Variants in VDAC1 observed in about 807,000 individuals in gnomAD.
The protein encoded by VDAC1 is voltage dependent anion channel 1.
A neutral mutation model predicts 34.7 loss-of-function variants in VDAC1; 10 were observed. The observed-to-expected ratio is 0.29, with a 90% CI of 0.18 to 0.49. VDAC1 has a LOEUF of 0.49. Among genes scored for constraint, VDAC1 ranks in the 20% least tolerant of loss-of-function variants. The pLI is 0.99. For synonymous variants in VDAC1, 130 were observed against 136.0 expected (o/e 0.96, Z 0.30); for missense variants, 230 against 347.9 (o/e 0.66, Z 2.69).
intron 1 of VDAC1, among the ~76,000 whole-genome samples, chr5:134,001,582 G>A (rs1753555457): frequency 6.6e-6 from 1 of 152,022 alleles, no homozygotes; most frequent in Non-Finnish European, 1.5e-5. Flanking sequence ...GCCAGGCATG[G>A]TGGCAGGCGC....
chr5:134,014,229 G>T, the VDAC1 span, among the ~76,000 whole-genome samples: 5 of 152,046 alleles, frequency 3.3e-5, no homozygotes, highest in East Asian at 9.7e-4. Context: ...GGTGGAGGTT[G>T]CAGTGAGTCG....
chr5:133,981,099 G>T, intron 5 of VDAC1, 143 bp from the exon 6 acceptor site: 1 of 658,824 alleles, frequency 1.5e-6, no homozygotes, highest in Non-Finnish European at 2.6e-6. Context: ...TTAAGCCACT[G>T]CTGTACCACA....
the VDAC1 span, among the ~76,000 whole-genome samples, chr5:134,018,248 G>A: frequency 6.6e-6 from 1 of 152,196 alleles, no homozygotes; most frequent in Non-Finnish European, 1.5e-5. Context: ...AAGAGCAGGA[G>A]CAAGGGAGAG....
chr5:134,099,916 G>A, the VDAC1 span, among the ~76,000 whole-genome samples: 42 of 152,198 alleles, frequency 2.8e-4, no homozygotes, highest in African/African-American at 9.9e-4. Flanking sequence ...AGAACCTATC[G>A]TCCAGGCCCA....
At chr5:134,109,053 G>A in the VDAC1 span, among the ~76,000 whole-genome samples, 1 of 152,178 alleles carries the variant, frequency 6.6e-6, no homozygotes, top group Non-Finnish European at 1.5e-5. Context: ...TCTTCCACAA[G>A]ATGGTGAGTT....
the VDAC1 span, among the ~76,000 whole-genome samples, chr5:134,041,518 GC>G: frequency 2.0e-5 from 3 of 152,230 alleles, no homozygotes; most frequent in Admixed American, 2.0e-4. Flanking sequence ...AGGACCAGCT[GC>G]TCAGGGAGCC....
chr5:134,018,218 G>C, the VDAC1 span, among the ~76,000 whole-genome samples: 2 of 152,198 alleles, frequency 1.3e-5, no homozygotes, highest in Non-Finnish European at 2.9e-5. Flanking sequence ...GGCCAACAAG[G>C]AGCAGGTACA....
At chr5:133,994,842 G>A (rs1753236129) in intron 1 of VDAC1, among the ~76,000 whole-genome samples, 1 of 152,064 alleles carries the variant, frequency 6.6e-6, no homozygotes, top group African/African-American at 2.4e-5. Context: ...CCGGGGTGGG[G>A]GCTGGGGAAG....
At chr5:134,092,065 T>C in the VDAC1 span, among the ~76,000 whole-genome samples, 3 of 152,180 alleles carry the variant, frequency 2.0e-5, no homozygotes, top group African/African-American at 7.2e-5. Flanking sequence ...TTGAACTAAG[T>C]CCTGGTGTTT....
upstream of VDAC1, among the ~76,000 whole-genome samples, chr5:134,006,006 C>T (rs1462536521): frequency 6.6e-6 from 1 of 151,978 alleles, no homozygotes; most frequent in East Asian, 1.9e-4. Context: ...TGGGAAAAGG[C>T]GGCAGATTAA....
intron 7 of VDAC1, among the ~76,000 whole-genome samples, chr5:133,975,273 A>G (rs949452664): frequency 6.6e-6 from 1 of 152,104 alleles, no homozygotes; most frequent in African/African-American, 2.4e-5. Flanking sequence ...AAAAATAAAA[A>G]AAACCCAGAG....
At chr5:134,033,759 A>G in the VDAC1 span, among the ~76,000 whole-genome samples, 48 of 151,766 alleles carry the variant, frequency 3.2e-4, no homozygotes, top group Admixed American at 1.7e-3. Context: ...TTGGGAGGCC[A>G]AGGCGGGCGG....
At chr5:134,075,595 T>C in the VDAC1 span, among the ~76,000 whole-genome samples, 2 of 152,250 alleles carry the variant, frequency 1.3e-5, no homozygotes, top group Non-Finnish European at 2.9e-5. Context: ...TTTTGTTTTT[T>C]GTTTTTGAGA....
At chr5:134,066,582 T>C in the VDAC1 span, among the ~76,000 whole-genome samples, 1 of 152,340 alleles carries the variant, frequency 6.6e-6, no homozygotes, top group Admixed American at 6.5e-5. Context: ...TTAAACAAGA[T>C]GAAATTTTTA....
At chr5:134,005,893 A>T (rs1447998805), upstream of VDAC1, among the ~76,000 whole-genome samples, 2 of 152,196 alleles carry the variant, frequency 1.3e-5, no homozygotes, top group Non-Finnish European at 2.9e-5. Context: ...CCTGTGGAGG[A>T]GGTGCCGGGT....
chr5:134,067,681 A>AGAGGGG, the VDAC1 span, among the ~76,000 whole-genome samples: 2 of 95,654 alleles, frequency 2.1e-5, no homozygotes, highest in Non-Finnish European at 4.2e-5. Context: ...GCGAGGGAGG[A>AGAGGGG]GAGGGGGAGG....
the VDAC1 span, among the ~76,000 whole-genome samples, chr5:134,103,098 C>T: frequency 1.2e-3 from 179 of 152,232 alleles, no homozygotes; most frequent in African/African-American, 3.7e-3. Flanking sequence ...TGACCCCACG[C>T]CCTGTCCAGA....
chr5:133,993,475 AT>A (rs1753181400), intron 1 of VDAC1, among the ~76,000 whole-genome samples: 1 of 152,162 alleles, frequency 6.6e-6, no homozygotes, highest in Non-Finnish European at 1.5e-5. Context: ...TGGGAACATC[AT>A]TTTCCATGTG....
At chr5:134,080,213 C>T in the VDAC1 span, among the ~76,000 whole-genome samples, 1 of 152,258 alleles carries the variant, frequency 6.6e-6, no homozygotes, top group Non-Finnish European at 1.5e-5. Context: ...GGATTTCTCA[C>T]ATGTCCGGTG....
Sources: gnomAD v4.1 joint callset for allele counts (sites outside exome capture counted in the v4.1 genomes callset) on GRCh38, gnomAD v4.1.1 for gene constraint, MANE v1.5 for transcripts, NCBI Gene and HGNC (gene_info 2026-07-23, HGNC 2026-07-21) for gene names.